COLQ: variants seen among roughly 807,000 people sequenced by gnomAD.
COLQ encodes the protein collagen like tail subunit of asymmetric acetylcholinesterase.
Under a neutral mutation model 69.0 loss-of-function variants are expected in COLQ, and 48 were observed. That is an observed-to-expected ratio of 0.70 (90% CI 0.55 to 0.88). The LOEUF (loss-of-function observed/expected upper bound fraction) is 0.88. Ranked by LOEUF, COLQ falls within the 40% of genes least tolerant of loss-of-function variation. The pLI is 0.00. For missense variants in COLQ, 618 were observed against 594.6 expected, an observed-to-expected ratio of 1.04 and a Z score of -0.41; for synonymous variants, 217 against 211.2, an observed-to-expected ratio of 1.03 and a Z score of -0.24.
chr3:15,484,326 G>T (rs2062539213), intron 3 of COLQ, among the ~76,000 whole-genome samples: 1 of 152,156 alleles, frequency 6.6e-6, no homozygotes, highest in Non-Finnish European at 1.5e-5. Context: ...TTACCGTTTG[G>T]TATGATTTTG....
intron 14 of COLQ, 74 bp downstream of exon 14, chr3:15,456,386 G>A: frequency 6.3e-7 from 1 of 1,596,752 alleles, no homozygotes; most frequent in South Asian, 1.1e-5. Context: ...CAGTGGGGTG[G>A]CCTTCCCTTC....
chr3:15,472,573 A>G (rs921273042), intron 10 of COLQ, among the ~76,000 whole-genome samples: 3 of 152,208 alleles, frequency 2.0e-5, no homozygotes, highest in Admixed American at 6.5e-5. Context: ...TAAAATAACA[A>G]TTTCCAATGT....
intron 1 of COLQ, among the ~76,000 whole-genome samples, chr3:15,519,927 C>G (rs2063113683): frequency 6.6e-6 from 1 of 152,230 alleles, no homozygotes; most frequent in East Asian, 1.9e-4. Flanking sequence ...GTGCCAGGCA[C>G]TGTTCTGACC....
intron 1 of COLQ, among the ~76,000 whole-genome samples, chr3:15,496,621 G>T (rs369571897): frequency 5.9e-5 from 9 of 152,266 alleles, no homozygotes; most frequent in Non-Finnish European, 1.2e-4. Flanking sequence ...CCAGGCAGCT[G>T]CCTTGGAAAT....
chr3:15,484,959 G>C (rs1263605746), intron 3 of COLQ, among the ~76,000 whole-genome samples: 1 of 152,218 alleles, frequency 6.6e-6, no homozygotes, highest in Non-Finnish European at 1.5e-5. Context: ...CACTCCTTTG[G>C]AGGAGAAGAG....
chr3:15,502,874 G>A (rs974608122), intron 1 of COLQ, among the ~76,000 whole-genome samples: 3 of 152,288 alleles, frequency 2.0e-5, no homozygotes, highest in Admixed American at 6.5e-5. Flanking sequence ...CCCACATCAC[G>A]AAACGACGAT....
intron 3 of COLQ, among the ~76,000 whole-genome samples, chr3:15,487,993 T>C (rs1045280564): frequency 2.0e-5 from 3 of 152,184 alleles, no homozygotes; most frequent in Admixed American, 6.5e-5. Flanking sequence ...ATTATCCCCA[T>C]TGCATAGATG....
In COLQ at chr3:15,458,230, A is replaced by G. The variant is rs2062052734; in HGVS notation, c.910T>C (p.Tyr304His). 6.2e-7 allele frequency: 1 copy of G among 1,614,172 alleles called. No homozygotes were observed. The highest frequency in any genetic ancestry group is 1.1e-5 in the South Asian group (1 of 91,080). ...CTGGGCCCATACACAGATTCCCCGT[A>G]GGAAGGGTTATTCACATTCATAGTG... is the stretch of plus-strand genomic sequence containing the variant. ...GPTMNVNNPS[Y>H]GESVYGPSSP... Residue 304 changes from tyrosine to histidine, a missense_variant, in exon 13 of 17, where the codon TAC becomes CAC. Coordinates refer to ENST00000383788, the MANE Select transcript of COLQ (RefSeq NM_005677.4).
chr3:15,475,310 C>A (rs527772951), intron 7 of COLQ, 115 bp downstream of exon 7: 6 of 1,045,224 alleles, frequency 5.7e-6, no homozygotes, highest in Non-Finnish European at 8.7e-6. Flanking sequence ...TCTCCAATAT[C>A]CGCGACATTC....
At chr3:15,508,898 C>A (rs929909902) in intron 1 of COLQ, among the ~76,000 whole-genome samples, 3 of 151,954 alleles carry the variant, frequency 2.0e-5, no homozygotes, top group African/African-American at 7.2e-5. Context: ...CGTCTGTAAT[C>A]CCAACAATTT....
intron 1 of COLQ, among the ~76,000 whole-genome samples, chr3:15,515,148 A>G (rs2063043502): frequency 6.6e-6 from 1 of 151,516 alleles, no homozygotes; most frequent in Non-Finnish European, 1.5e-5. Context: ...GATGACAGAA[A>G]CTCCATGTGG....
chr3:15,485,410 C>T (rs2062557813), intron 3 of COLQ, among the ~76,000 whole-genome samples: 3 of 152,284 alleles, frequency 2.0e-5, no homozygotes, highest in Non-Finnish European at 4.4e-5. Flanking sequence ...GGGAGAACCA[C>T]TACTCTCTTC....
intron 3 of COLQ, among the ~76,000 whole-genome samples, chr3:15,482,262 G>A (rs2062500211): frequency 2.6e-5 from 4 of 152,176 alleles, no homozygotes; most frequent in Admixed American, 6.5e-5. Flanking sequence ...TAGGAGTGGT[G>A]AGAGAGGGCA....
intron 1 of COLQ, among the ~76,000 whole-genome samples, chr3:15,502,873 C>T (rs142260156): frequency 1.1e-4 from 17 of 152,304 alleles, no homozygotes; most frequent in African/African-American, 3.6e-4. Flanking sequence ...ACCCACATCA[C>T]GAAACGACGA....
At chr3:15,513,574 C>T (rs1001069240) in intron 1 of COLQ, among the ~76,000 whole-genome samples, 3 of 152,168 alleles carry the variant, frequency 2.0e-5, no homozygotes, top group East Asian at 1.9e-4. Context: ...AACCTGCTCC[C>T]GAACACACTC....
intron 16 of COLQ, among the ~76,000 whole-genome samples, chr3:15,452,893 C>G (rs975974152): frequency 2.2e-4 from 33 of 152,306 alleles, no homozygotes; most frequent in Middle Eastern, 3.4e-3. Context: ...ACAGGCATGG[C>G]TCCCCAGCCC....
chr3:15,489,678 G>A (rs770131169), intron 1 of COLQ, 41 bp from the exon 2 acceptor site: 2 of 1,579,464 alleles, frequency 1.3e-6, no homozygotes, highest in East Asian at 4.5e-5. Flanking sequence ...TGTGGTCAGT[G>A]CTGGGCCTCT....
chr3:15,486,866 G>C (rs1318795887), intron 3 of COLQ, among the ~76,000 whole-genome samples: 2 of 152,158 alleles, frequency 1.3e-5, no homozygotes, highest in East Asian at 1.9e-4. Context: ...TCTTTAGAAG[G>C]CTACATTGTC....
At chr3:15,489,490 A>G (rs756004493) in intron 2 of COLQ, 35 bp downstream of exon 2, 1 of 1,600,726 alleles carries the variant, frequency 6.2e-7, no homozygotes, top group South Asian at 1.1e-5. Flanking sequence ...AGTAGCCTGC[A>G]CTTTTTTTCC....
Sources: gnomAD v4.1 joint callset for allele counts (sites outside exome capture counted in the v4.1 genomes callset) on GRCh38, gnomAD v4.1.1 for gene constraint, MANE v1.5 for transcripts, NCBI Gene and HGNC (gene_info 2026-07-23, HGNC 2026-07-21) for gene names.